ZNF83: variants seen among roughly 807,000 people sequenced by gnomAD.
ZNF83 encodes the protein zinc finger protein 83, also known as zinc finger protein 816B.
For synonymous variants in ZNF83, 209 were observed against 213.0 expected (o/e 0.98, Z 0.17); for missense variants, 552 against 629.9 (o/e 0.88, Z 1.32).
chr19:52,663,107 G>A (rs922343528), intron 1 of ZNF83, among the ~76,000 whole-genome samples: 3 of 152,000 alleles, frequency 2.0e-5, no homozygotes, highest in African/African-American at 7.3e-5. Context: ...AGGTTGCAGT[G>A]AGCCAAGATC....
At chr19:52,651,616 G>A (rs1481620463) in intron 3 of ZNF83, 1 of 151,312 alleles carries the variant, frequency 6.6e-6, no homozygotes, top group East Asian at 1.9e-4. Flanking sequence ...GCAGGAGGTG[G>A]AGGTTGCAGT....
chr19:52,641,096 T>C (rs537281778), upstream of ZNF83, among the ~76,000 whole-genome samples: 3 of 139,258 alleles, frequency 2.2e-5, no homozygotes, highest in Non-Finnish European at 4.6e-5. Context: ...AAGATGACGA[T>C]AACCCTCTGG....
At chr19:52,686,569 ATTTTTT>A (rs2062020558) in intron 1 of ZNF83, among the ~76,000 whole-genome samples, 1 of 151,022 alleles carries the variant, frequency 6.6e-6, no homozygotes, top group Non-Finnish European at 1.5e-5. Flanking sequence ...TTTATTTTTT[ATTTTTT>A]GTTTGTTTGT....
intron 2 of ZNF83, 123 bp from the exon 3 acceptor site, chr19:52,614,920 C>A: frequency 1.0e-6 from 1 of 968,138 alleles, no homozygotes; most frequent in Non-Finnish European, 1.3e-6. Flanking sequence ...ATAAAACTCC[C>A]ATTCATGATT....
At chr19:52,634,886 G>C (rs757664066) in intron 2 of ZNF83, among the ~76,000 whole-genome samples, 180 bp downstream of exon 2, 2 of 152,104 alleles carry the variant, frequency 1.3e-5, no homozygotes, top group Non-Finnish European at 2.9e-5. Context: ...AAGTTCATGT[G>C]ATTGGGTCAC....
chr19:52,643,997 G>GA, intron 3 of ZNF83, among the ~76,000 whole-genome samples: 1 of 152,326 alleles, frequency 6.6e-6, no homozygotes, highest in Admixed American at 6.5e-5. Context: ...CCTGGACACA[G>GA]GGCTGTGGAG....
intron 2 of ZNF83, among the ~76,000 whole-genome samples, chr19:52,624,142 G>T (rs2060650242): frequency 1.3e-5 from 2 of 152,102 alleles, no homozygotes; most frequent in South Asian, 4.1e-4. Flanking sequence ...TCTTTCTCAT[G>T]ATTTACTTTC....
intron 1 of ZNF83, among the ~76,000 whole-genome samples, chr19:52,688,128 A>G (rs1433132788): frequency 6.6e-6 from 1 of 152,080 alleles, no homozygotes; most frequent in Non-Finnish European, 1.5e-5. Flanking sequence ...ACAACTAATC[A>G]TAGCCAATAA....
At chr19:52,653,291 C>T (rs1411646638) in intron 3 of ZNF83, 2 of 1,391,208 alleles carry the variant, frequency 1.4e-6, no homozygotes. Flanking sequence ...TGATTAAAAA[C>T]CTTACCACAT....
At chr19:52,688,289 G>A (rs7249141) in intron 1 of ZNF83, among the ~76,000 whole-genome samples, 2,242 of 151,796 alleles carry the variant, frequency 0.015, 11 homozygotes, top group Middle Eastern at 0.045. Flanking sequence ...TCCTCCCTTG[G>A]CCTCCAGAGT....
chr19:52,680,711 C>T (rs1263008050), intron 1 of ZNF83, among the ~76,000 whole-genome samples: 1 of 137,338 alleles, frequency 7.3e-6, no homozygotes, highest in East Asian at 2.1e-4. Flanking sequence ...CTCCCGGGTT[C>T]ACGCCATTCT....
At chr19:52,647,631 C>T (rs2061389286) in intron 3 of ZNF83, among the ~76,000 whole-genome samples, 1 of 150,424 alleles carries the variant, frequency 6.6e-6, no homozygotes, top group South Asian at 2.1e-4. Context: ...AAATATCTCT[C>T]ATTCTCCCCT....
At chr19:52,619,550 C>T (rs1365130953) in intron 2 of ZNF83, among the ~76,000 whole-genome samples, 4 of 151,082 alleles carry the variant, frequency 2.6e-5, no homozygotes, top group South Asian at 2.1e-4. Context: ...TGCTTGAAGC[C>T]GGGAGGTAGA....
chr19:52,680,558 G>A (rs1324640098), intron 1 of ZNF83, among the ~76,000 whole-genome samples: 3 of 150,740 alleles, frequency 2.0e-5, no homozygotes, highest in Non-Finnish European at 4.4e-5. Flanking sequence ...AGGTATTTTG[G>A]CACATTTTTT....
chr19:52,685,321 G>A (rs1382291335), intron 1 of ZNF83, among the ~76,000 whole-genome samples: 2 of 152,140 alleles, frequency 1.3e-5, no homozygotes, highest in Admixed American at 6.5e-5. Context: ...GAGAAGGTGT[G>A]TCTGAATTCT....
chr19:52,643,530 T>C (rs1349010407), intron 3 of ZNF83, among the ~76,000 whole-genome samples: 12 of 151,686 alleles, frequency 7.9e-5, no homozygotes, highest in Non-Finnish European at 1.5e-5. Flanking sequence ...TGAAACCCCA[T>C]CTTTACTAAA....
At chr19:52,615,691 C>T (rs1415117422) in intron 2 of ZNF83, among the ~76,000 whole-genome samples, 1 of 152,190 alleles carries the variant, frequency 6.6e-6, no homozygotes, top group East Asian at 1.9e-4. Flanking sequence ...GACTTCACTG[C>T]TTACAGGTTT....
chr19:52,613,553 T>A (rs748287331), exon 3 of ZNF83: 1 of 1,614,132 alleles, frequency 6.2e-7, no homozygotes, highest in Non-Finnish European at 8.5e-7. Flanking sequence ...CCAGTGTGGA[T>A]TCTCCAGTGA....
chr19:52,659,174 AC>A (rs1157590820), intron 2 of ZNF83, among the ~76,000 whole-genome samples: 2 of 151,036 alleles, frequency 1.3e-5, no homozygotes, highest in African/African-American at 4.9e-5. Context: ...GCAGAAACAG[AC>A]CCCCCACAGT....
Sources: gnomAD v4.1 joint callset for allele counts (sites outside exome capture counted in the v4.1 genomes callset) on GRCh38, gnomAD v4.1.1 for gene constraint, MANE v1.5 for transcripts, NCBI Gene and HGNC (gene_info 2026-07-23, HGNC 2026-07-21) for gene names.